The following PIBF1 variants were observed in gnomAD, a reference collection of about 807,000 sequenced individuals.
PIBF1 encodes the protein progesterone-induced-blocking factor 1.
PIBF1 carries 90 observed loss-of-function variants against 112.5 expected under a neutral mutation model. The ratio of observed to expected loss-of-function variants is 0.80; its 90% CI spans 0.67 to 0.95. The LOEUF is 0.95. PIBF1 is among the 40% of genes least tolerant of loss of function. PIBF1 has a pLI of 0.00. For missense variants in PIBF1, 915 were observed against 852.3 expected, an observed-to-expected ratio of 1.07 and a Z score of -0.92; for synonymous variants, 301 against 288.6, an observed-to-expected ratio of 1.04 and a Z score of -0.44.
intron 10 of PIBF1, among the ~76,000 whole-genome samples, chr13:72,860,847 T>C (rs2038663052): frequency 6.6e-6 from 1 of 152,198 alleles, no homozygotes; most frequent in Admixed American, 6.5e-5. Flanking sequence ...CTCATGTATG[T>C]CCCAATTCAA....
intron 16 of PIBF1, among the ~76,000 whole-genome samples, chr13:72,990,845 C>A (rs2043457903): frequency 6.6e-6 from 1 of 152,158 alleles, no homozygotes; most frequent in African/African-American, 2.4e-5. Flanking sequence ...GAGACTCCAT[C>A]TCAAATAAAT....
rs2036904159 is a variant in PIBF1 at position 72,828,027 on chromosome 13, A to G, written c.1097+113A>G. ...ATTTTTTTAAGGTCTATTCTATATG[A>G]TAATACTAAGATAATACCTTATTTT... On this transcript the variant is annotated intron_variant, in intron 8 of 17. Transcript: ENST00000326291. 8.8e-6 allele frequency: 4 copies of G among 455,868 alleles called. No homozygotes were observed. In the South Asian group the frequency reaches 2.5e-4, roughly 29 times the overall value. 28.2% of individuals were successfully genotyped at this position (455,868 alleles called of 1,614,324 possible).
chr13:72,798,847 A>C (rs989441520), intron 5 of PIBF1, among the ~76,000 whole-genome samples: 1 of 152,220 alleles, frequency 6.6e-6, no homozygotes, highest in Admixed American at 6.5e-5. Context: ...TCTTCATTAC[A>C]AGTTAGCCTT....
chr13:72,909,806 G>A (rs2040835521), intron 12 of PIBF1, among the ~76,000 whole-genome samples: 2 of 152,222 alleles, frequency 1.3e-5, no homozygotes, highest in South Asian at 4.1e-4. Context: ...AATGAGTCTT[G>A]AAGTACAAAT....
intron 10 of PIBF1, among the ~76,000 whole-genome samples, chr13:72,869,442 A>T (rs925710670): frequency 1.5e-5 from 2 of 131,104 alleles, no homozygotes; most frequent in African/African-American, 5.8e-5. Flanking sequence ...CAGGAAGGGG[A>T]ACATCACACT....
At chr13:72,864,423 G>A (rs995242819) in intron 10 of PIBF1, among the ~76,000 whole-genome samples, 9 of 152,150 alleles carry the variant, frequency 5.9e-5, no homozygotes, top group African/African-American at 2.2e-4. Flanking sequence ...GAAATGATGT[G>A]GATGAAGGAA....
At chr13:72,899,256 C>T (rs568735420) in intron 11 of PIBF1, among the ~76,000 whole-genome samples, 2 of 152,018 alleles carry the variant, frequency 1.3e-5, no homozygotes, top group East Asian at 3.9e-4. Context: ...AAGAAGGAAC[C>T]CTCCCTAATT....
At chr13:72,851,985 C>CATTCCAGA (rs1005340379) in intron 9 of PIBF1, among the ~76,000 whole-genome samples, 1 of 152,172 alleles carries the variant, frequency 6.6e-6, no homozygotes, top group African/African-American at 2.4e-5. Flanking sequence ...AGGAGCTACC[C>CATTCCAGA]ATTCCAGATC....
intron 17 of PIBF1, among the ~76,000 whole-genome samples, chr13:73,010,804 A>ATTTTT (rs2044172784): frequency 1.6e-5 from 1 of 64,280 alleles, no homozygotes; most frequent in Non-Finnish European, 3.0e-5. Flanking sequence ...AAAATCATTA[A>ATTTTT]CTTTTCTTTT....
chr13:72,943,026 A>G (rs905611990), intron 14 of PIBF1, among the ~76,000 whole-genome samples: 3 of 152,180 alleles, frequency 2.0e-5, no homozygotes, highest in African/African-American at 7.2e-5. Flanking sequence ...TCGTTTAGTA[A>G]AGAACAGTGG....
rs139757824 is a variant in PIBF1 at position 72,821,632 on chromosome 13, G to GT, written c.673-214dup. ...TGTTGTGTTATTTATTTGAAAAACA[G>GT]TTTAAGTTTTAAACAACTGAGTTTA... is the stretch of plus-strand genomic sequence containing the variant. On this transcript the variant is annotated intron_variant, in intron 5 of 17. Coordinates refer to ENST00000326291, the MANE Select transcript of PIBF1 (RefSeq NM_006346.4). 4.9e-3 allele frequency among the ~76,000 whole-genome samples: 746 copies of GT among 152,240 alleles called. 1 individual carries two copies. Among genetic ancestry groups the GT allele is most frequent in the Non-Finnish European group, 7.4e-3 (501 of 68,006 alleles).
intron 6 of PIBF1, among the ~76,000 whole-genome samples, chr13:72,823,152 C>T (rs1453428584): frequency 2.0e-5 from 3 of 152,002 alleles, no homozygotes; most frequent in African/African-American, 4.8e-5. Context: ...TAAGATGATA[C>T]CAGTTGGTAT....
chr13:72,964,179 A>G (rs2042679493), intron 14 of PIBF1, among the ~76,000 whole-genome samples: 1 of 152,240 alleles, frequency 6.6e-6, no homozygotes, highest in African/African-American at 2.4e-5. Context: ...CTGATACATG[A>G]TACAACATAG....
rs1176079981 is a variant in PIBF1 at position 73,010,810 on chromosome 13, C to CTTTTTTTTTT, written c.2224-5038_2224-5029dup. ...CTGAGCTGGAAAATCATTAACTTTT[C>CTTTTTTTTTT]TTTTTTTTTTTTTTTTTTTTTTTTT... On this transcript the variant is annotated intron_variant, in intron 17 of 17. Coordinates refer to ENST00000326291, the MANE Select transcript of PIBF1 (RefSeq NM_006346.4). Among the ~76,000 whole-genome samples, 314 of 40,304 alleles carry CTTTTTTTTTT rather than the reference C, an allele frequency of 7.8e-3. 72 individuals carry two copies. Among genetic ancestry groups the CTTTTTTTTTT allele is most frequent in the Admixed American group, 0.012 (28 of 2,330 alleles). The allele number at this position is 40,304 out of a possible 152,430, so 26.4% of individuals were successfully genotyped here.
At chr13:72,878,890 C>G (rs1031901101) in intron 10 of PIBF1, among the ~76,000 whole-genome samples, 1 of 152,124 alleles carries the variant, frequency 6.6e-6, no homozygotes, top group Non-Finnish European at 1.5e-5. Flanking sequence ...ACTTTTCTTG[C>G]TCTGAAGTCT....
At chr13:72,993,745 CA>C (rs34464067) in intron 16 of PIBF1, among the ~76,000 whole-genome samples, 1,507 of 98,790 alleles carry the variant, frequency 0.015, 23 homozygotes, top group African/African-American at 0.05. Context: ...GACTCCATTT[CA>C]AAAAAAAAAA....
intron 14 of PIBF1, among the ~76,000 whole-genome samples, chr13:72,942,135 G>A (rs375826083): frequency 6.6e-6 from 1 of 151,830 alleles, no homozygotes; most frequent in Non-Finnish European, 1.5e-5. Context: ...AGAGTCTGTG[G>A]CACATACAAC....
At chr13:72,865,122 G>A (rs1027987855) in intron 10 of PIBF1, among the ~76,000 whole-genome samples, 1 of 152,108 alleles carries the variant, frequency 6.6e-6, no homozygotes, top group East Asian at 1.9e-4. Context: ...TTAAAAAGTT[G>A]TAGATGTGAG....
chr13:72,998,715 TGTA>T, intron 16 of PIBF1, 104 bp from the exon 17 acceptor site: 1 of 691,866 alleles, frequency 1.4e-6, no homozygotes. Context: ...AACTTATGTG[TGTA>T]GTATAATTGT....
Sources: gnomAD v4.1 joint callset for allele counts (sites outside exome capture counted in the v4.1 genomes callset) on GRCh38, gnomAD v4.1.1 for gene constraint, MANE v1.5 for transcripts, NCBI Gene and HGNC (gene_info 2026-07-23, HGNC 2026-07-21) for gene names.